CAMTA1: variants seen among roughly 807,000 people sequenced by gnomAD.
CAMTA1 encodes the protein calmodulin binding transcription activator 1, also known as calmodulin-binding transcription activator 1.
CAMTA1 carries 27 observed loss-of-function variants against 170.9 expected under a neutral mutation model. That is an observed-to-expected ratio of 0.16 (90% CI 0.12 to 0.22). CAMTA1 has a LOEUF of 0.22. Ranked by LOEUF, CAMTA1 falls within the 10% of genes least tolerant of loss-of-function variation. The pLI, the probability that CAMTA1 is intolerant of heterozygous loss-of-function variation, is 1.00. For missense variants in CAMTA1, 1,619 were observed against 2,217.2 expected (o/e 0.73, Z 5.42); for synonymous variants, 833 against 891.5 (o/e 0.93, Z 1.17).
At chr1:7,619,524 A>G (rs1282042784) in intron 6 of CAMTA1, among the ~76,000 whole-genome samples, 1 of 152,258 alleles carries the variant, frequency 6.6e-6, no homozygotes, top group Non-Finnish European at 1.5e-5. Flanking sequence ...CTCATGAGCC[A>G]GAATTGGGTC....
chr1:7,029,719 A>G (rs756436606), intron 3 of CAMTA1, among the ~76,000 whole-genome samples: 1 of 152,154 alleles, frequency 6.6e-6, no homozygotes, highest in African/African-American at 2.4e-5. Context: ...TGAGGAACCC[A>G]AAGAGCTTCT....
intron 6 of CAMTA1, among the ~76,000 whole-genome samples, chr1:7,607,463 G>GTGGA (rs754146311): frequency 5.3e-5 from 8 of 150,256 alleles, no homozygotes; most frequent in South Asian, 2.1e-4. Flanking sequence ...GGATGGATGG[G>GTGGA]TGGATGGATG....
At chr1:7,009,498 T>C (rs548894404) in intron 3 of CAMTA1, among the ~76,000 whole-genome samples, 6 of 152,298 alleles carry the variant, frequency 3.9e-5, no homozygotes, top group African/African-American at 1.2e-4. Flanking sequence ...TTGCATCTGA[T>C]GCATCTGCAC....
intron 6 of CAMTA1, among the ~76,000 whole-genome samples, chr1:7,631,690 G>A (rs189137510): frequency 6.6e-6 from 1 of 152,300 alleles, no homozygotes; most frequent in African/African-American, 2.4e-5. Context: ...CAGATCCTGG[G>A]AGACCTGAGC....
chr1:7,696,978 C>T (rs2149459848), intron 11 of CAMTA1, among the ~76,000 whole-genome samples: 2 of 152,268 alleles, frequency 1.3e-5, no homozygotes, highest in East Asian at 3.9e-4. Flanking sequence ...GAGGTCTGGG[C>T]CTAGGTCGTC....
At chr1:6,966,925 T>C (rs950413697) in intron 3 of CAMTA1, among the ~76,000 whole-genome samples, 14 of 151,428 alleles carry the variant, frequency 9.2e-5, no homozygotes, top group African/African-American at 3.1e-4. Context: ...ACCTTTTTTA[T>C]TGTAAAAGAT....
chr1:6,983,666 T>C (rs1206000936), intron 3 of CAMTA1, among the ~76,000 whole-genome samples: 1 of 152,154 alleles, frequency 6.6e-6, no homozygotes, highest in Non-Finnish European at 1.5e-5. Flanking sequence ...CACTCAATAA[T>C]TGGATCTATT....
chr1:7,558,800 T>C (rs1241710732), intron 6 of CAMTA1, among the ~76,000 whole-genome samples: 1 of 152,260 alleles, frequency 6.6e-6, no homozygotes, highest in Non-Finnish European at 1.5e-5. Flanking sequence ...AAGAAGGATT[T>C]CAGCAGCTGT....
In CAMTA1 at chr1:7,234,788, C is replaced by CTT. The variant is rs34493681; in HGVS notation, c.303-14687_303-14686dup. The stretch of plus-strand genomic sequence containing the variant: ...GGGAAATTGGAAAATACAAGTTGAC[C>CTT]TTTTTTTTTTTTTTTTTAGATAGAG... On this transcript the variant is annotated intron_variant, in intron 4 of 22. Coordinates refer to ENST00000303635, the MANE Select transcript of CAMTA1 (RefSeq NM_015215.4). This position sits in a 1 kb window ranked among gnomAD's most constrained non-coding sequence, Gnocchi z 5.0. Among the ~76,000 whole-genome samples, 3,545 of 136,378 alleles carry CTT rather than the reference C, an allele frequency of 0.026. 135 individuals carry two copies. The highest frequency in any genetic ancestry group is 0.11 in the East Asian group (514 of 4,598). The allele number at this position is 136,378 out of a possible 152,430, so 89.5% of individuals were successfully genotyped here. A position where few individuals can be genotyped will look rare whatever the true frequency, so the allele number is the denominator to read the frequency against.
At chr1:7,111,867 C>T (rs544345090) in intron 4 of CAMTA1, among the ~76,000 whole-genome samples, 10 of 139,874 alleles carry the variant, frequency 7.1e-5, no homozygotes, top group African/African-American at 1.6e-4. Context: ...CCTGGGCGAC[C>T]GGGCAAGACT....
chr1:7,737,465 A>G lies in CAMTA1; in HGVS notation c.3553A>G (p.Ser1185Gly), dbSNP rs954409338. The G allele has an allele frequency of 6.8e-6, 11 of 1,614,174 alleles. No individual in the cohort carries two copies. The highest frequency in any genetic ancestry group is 9.3e-6 in the Non-Finnish European group (11 of 1,179,992). Residue 1185 changes from serine (S) to glycine (G), a missense_variant, in exon 15 of 23, where the codon AGC becomes GGC. Around this residue, in one of 8 missense-constraint regions of CAMTA1, gnomAD observed 370 missense variants for 429.4 expected, o/e 0.86. Coordinates refer to ENST00000303635, the MANE Select transcript of CAMTA1 (RefSeq NM_015215.4). ...GQNPRIHCPA[S>G]EEPSTESWMA... ...GAACCCCAGAATCCACTGTCCTGCAAGCGAAGAGCCCAGCACAGAGAGCTG... is the reference window on the plus strand; with the variant it reads ...GAACCCCAGAATCCACTGTCCTGCAGGCGAAGAGCCCAGCACAGAGAGCTG...
intron 3 of CAMTA1, among the ~76,000 whole-genome samples, chr1:6,847,428 T>C (rs1342998885): frequency 1.3e-5 from 2 of 152,168 alleles, no homozygotes; most frequent in Admixed American, 6.6e-5. Flanking sequence ...TTTGAGTTGC[T>C]TGGATAATTC....
At chr1:7,734,953 G>C (rs2096760327) in intron 12 of CAMTA1, among the ~76,000 whole-genome samples, 1 of 152,272 alleles carries the variant, frequency 6.6e-6, no homozygotes, top group African/African-American at 2.4e-5. Context: ...ATAAGCTGTT[G>C]AAGTTACTAA....
intron 4 of CAMTA1, among the ~76,000 whole-genome samples, chr1:7,238,815 G>A (rs1664351842): frequency 6.6e-6 from 1 of 152,184 alleles, no homozygotes; most frequent in Admixed American, 6.5e-5. Flanking sequence ...CCCGGGAGGT[G>A]CAAGTTGCAG....
At position 7,547,675 on chromosome 1, in the gene CAMTA1, C is replaced by T. The variant is rs943006108; in HGVS notation, c.510+79774C>T. Among the ~76,000 whole-genome samples, 12 of 149,474 alleles carry T rather than the reference C, an allele frequency of 8.0e-5. No homozygotes were observed. The highest frequency in any genetic ancestry group is 8.0e-4 in the Admixed American group (12 of 15,012). Reference sequence around the variant, plus strand: ...GCCCAACACAAATTCATAAACTTTCCTAAAACATTATGAGACTTTTTTGCA... The same window carrying T: ...GCCCAACACAAATTCATAAACTTTCTTAAAACATTATGAGACTTTTTTGCA... On this transcript the variant is annotated intron_variant, in intron 6 of 22. Coordinates refer to ENST00000303635, the MANE Select transcript of CAMTA1 (RefSeq NM_015215.4). This position sits in a 1 kb window ranked among gnomAD's most constrained non-coding sequence, Gnocchi z 5.7.
intron 4 of CAMTA1, among the ~76,000 whole-genome samples, chr1:7,139,105 AAAAT>A (rs1645724262): frequency 7.2e-6 from 1 of 138,240 alleles, no homozygotes; most frequent in Non-Finnish European, 1.5e-5. Flanking sequence ...ATTTATTTAT[AAAAT>A]AAACAAAATA....
intron 3 of CAMTA1, among the ~76,000 whole-genome samples, chr1:6,903,163 C>T (rs1404385541): frequency 6.6e-6 from 1 of 152,174 alleles, no homozygotes; most frequent in African/African-American, 2.4e-5. Flanking sequence ...AACAGAAGGA[C>T]ATACCCTATG....
At chr1:7,558,366 G>C (rs1162277404) in intron 6 of CAMTA1, among the ~76,000 whole-genome samples, 1 of 152,200 alleles carries the variant, frequency 6.6e-6, no homozygotes, top group Non-Finnish European at 1.5e-5. Context: ...GGGGAGCATG[G>C]AGCCCCTCTG....
intron 5 of CAMTA1, among the ~76,000 whole-genome samples, chr1:7,374,432 C>A (rs2086698538): frequency 6.6e-6 from 1 of 152,214 alleles, no homozygotes; most frequent in Non-Finnish European, 1.5e-5. Flanking sequence ...GAGAAAAGAG[C>A]CCAGCCTGCT....
Sources: allele counts gnomAD v4.1 joint callset (sites outside exome capture counted in the v4.1 genomes callset), GRCh38; gene constraint gnomAD v4.1.1; regional missense constraint gnomAD v4.1.1; non-coding constraint Gnocchi (gnomAD v3.1); transcripts MANE v1.5; gene names NCBI Gene and HGNC (gene_info 2026-07-23, HGNC 2026-07-21).